Variants in MIA3 observed in about 807,000 individuals in gnomAD.
MIA3 encodes MIA SH3 domain ER export factor 3, also known as transport and Golgi organization protein 1 homolog.
MIA3 carries 90 observed loss-of-function variants against 192.4 expected under a neutral mutation model. That is an observed-to-expected ratio of 0.47 (90% CI 0.39 to 0.56). The LOEUF is 0.56. Among genes scored for constraint, MIA3 ranks in the 20% least tolerant of loss-of-function variants. MIA3 has a pLI of 0.00. For synonymous variants in MIA3, 740 were observed against 792.8 expected, an observed-to-expected ratio of 0.93 and a Z score of 1.12; for missense variants, 2,123 against 2,269.4, an observed-to-expected ratio of 0.94 and a Z score of 1.31.
intron 19 of MIA3, 30 bp from the exon 20 acceptor site, chr1:222,659,423 T>G (rs1427349223): frequency 6.2e-7 from 1 of 1,608,004 alleles, no homozygotes; most frequent in South Asian, 1.1e-5. Context: ...CAGTTGTGCT[T>G]TAAATGATAA....
At chr1:222,646,729 G>C (rs1293453279) in intron 7 of MIA3, among the ~76,000 whole-genome samples, 6 of 152,096 alleles carry the variant, frequency 3.9e-5, no homozygotes, top group Non-Finnish European at 5.9e-5. Context: ...GTGAGACTCT[G>C]TCTCAAAAAA....
intron 19 of MIA3, 31 bp from the exon 20 acceptor site, chr1:222,659,422 T>C: frequency 6.2e-7 from 1 of 1,607,026 alleles, no homozygotes; most frequent in Non-Finnish European, 8.5e-7. Context: ...TCAGTTGTGC[T>C]TTAAATGATA....
intron 7 of MIA3, among the ~76,000 whole-genome samples, chr1:222,646,462 T>C (rs1009171102): frequency 3.3e-5 from 5 of 150,090 alleles, no homozygotes; most frequent in Non-Finnish European, 7.4e-5. Flanking sequence ...GCATTAAATA[T>C]CTTACATGGC....
At position 222,659,521 on chromosome 1, in the gene MIA3, T is replaced by C; in HGVS notation, c.4770+8T>C. ...CGGTCATTTAAAAACCAGGTAATAA[T>C]TCTAGTGCCCTACTATATAGTGCCC... On this transcript the variant is annotated splice_region_variant and intron_variant, in intron 20 of 27. Coordinates refer to ENST00000344922, the MANE Select transcript of MIA3 (RefSeq NM_198551.4). 6.2e-7 allele frequency: 1 copy of C among 1,613,496 alleles called. No individual in the cohort carries two copies. Among genetic ancestry groups the C allele is most frequent in the African/African-American group, 1.3e-5 (1 of 75,018 alleles).
chr1:222,659,574 A>G, intron 20 of MIA3, 48 bp from the exon 21 acceptor site: 1 of 1,611,364 alleles, frequency 6.2e-7, no homozygotes, highest in East Asian at 2.2e-5. Context: ...AATAGAGGCT[A>G]TTATAATGAA....
Position 222,665,637 on chromosome 1 carries a change from T to A in MIA3, c.*18T>A, listed in dbSNP as rs1359180918. The stretch of plus-strand genomic sequence containing the variant: ...GCCCATAAAACTATGACCTCTGAGG[T>A]TTCATTGGAAAGAAAGTGTACTGTG... On this transcript the variant is annotated 3_prime_UTR_variant, in exon 28 of 28. Transcript: ENST00000344922. 6.5e-7 allele frequency: 1 copy of A among 1,542,492 alleles called. No homozygotes were observed.
rs1357306903 is a variant in MIA3 at position 222,665,926 on chromosome 1, AC to A, written c.*308del. The A allele has an allele frequency of 4.4e-6, 1 of 228,314 alleles. No individual in the cohort carries two copies. Among genetic ancestry groups the A allele is most frequent in the Admixed American group, 5.7e-5 (1 of 17,468 alleles). 14.1% of individuals were successfully genotyped at this position (228,314 alleles called of 1,614,324 possible). On this transcript the variant is annotated 3_prime_UTR_variant, in exon 28 of 28. Transcript: ENST00000344922. ...ATTTAGAATGTCATGAAAAATATGA[AC>A]ATTTCCTGTGGAAATGCTTTAAGAA... is the stretch of plus-strand genomic sequence containing the variant.
rs1571900690 is a variant in MIA3, at chr1:222,654,130, T to C, written c.4322-113T>C. On this transcript the variant is annotated intron_variant, in intron 15 of 27. Coordinates refer to ENST00000344922, the MANE Select transcript of MIA3 (RefSeq NM_198551.4). ...AGTCTAATCCTTTTCTGTTTTTGTT[T>C]GTTCTTTAAATGTTTGAACATGACA... The C allele has an allele frequency of 3.9e-6, 4 of 1,017,982 alleles. No homozygotes were observed. The East Asian group carries it at 9.8e-5, about 25-fold the overall frequency. 63.1% of individuals were successfully genotyped at this position (1,017,982 alleles called of 1,614,324 possible).
In MIA3 at chr1:222,633,264, G is replaced by T. The variant is rs757697290; in HGVS notation, c.3477+15G>T. The T allele has an allele frequency of 3.8e-4, 588 of 1,551,040 alleles. No homozygotes were observed. The highest frequency in any genetic ancestry group is 4.8e-4 in the Non-Finnish European group (549 of 1,141,714). ...TAACTAAGTCGGTAAGTTTAACATAGTTTTTTTTTAACTAAAATGTTGATT... is the reference window on the plus strand; with the variant it reads ...TAACTAAGTCGGTAAGTTTAACATATTTTTTTTTTAACTAAAATGTTGATT... On this transcript the variant is annotated intron_variant, in intron 6 of 27. Transcript: ENST00000344922.
At chr1:222,651,119 A>G (rs1663408152) in intron 11 of MIA3, among the ~76,000 whole-genome samples, 1 of 151,972 alleles carries the variant, frequency 6.6e-6, no homozygotes, top group South Asian at 2.1e-4. Context: ...ACCCTAGGTA[A>G]TTGTCATATT....
At chr1:222,655,437 A>G (rs562705851) in intron 18 of MIA3, among the ~76,000 whole-genome samples, 1 of 152,356 alleles carries the variant, frequency 6.6e-6, no homozygotes, top group East Asian at 1.9e-4. Flanking sequence ...CTCTAAAAAT[A>G]GGTTATCTGT....
chr1:222,622,084 G>T (rs1477590609), intron 2 of MIA3, among the ~76,000 whole-genome samples: 1 of 152,106 alleles, frequency 6.6e-6, no homozygotes, highest in Non-Finnish European at 1.5e-5. Flanking sequence ...GATTACAGGC[G>T]TGAGCCACCG....
At chr1:222,654,573 C>T (rs1663608605) in intron 17 of MIA3, 82 bp from the exon 18 acceptor site, 1 of 1,556,608 alleles carries the variant, frequency 6.4e-7, no homozygotes, top group Admixed American at 1.7e-5. Flanking sequence ...TCATACTTCT[C>T]ATTTCTCTCA....
At chr1:222,662,026 A>G (rs565214258) in intron 24 of MIA3, 30 bp from the exon 25 acceptor site, 3 of 1,578,982 alleles carry the variant, frequency 1.9e-6, no homozygotes, top group Non-Finnish European at 2.6e-6. Context: ...CAAAAAATAC[A>G]TATAAGGACT....
chr1:222,621,933 C>T (rs1007912305), intron 2 of MIA3, among the ~76,000 whole-genome samples: 4 of 151,984 alleles, frequency 2.6e-5, no homozygotes, highest in Non-Finnish European at 5.9e-5. Context: ...CTCAGCCTCC[C>T]GAGTAGCTGG....
At chr1:222,664,908 G>A (rs1207892856) in intron 27 of MIA3, 1 of 466,636 alleles carries the variant, frequency 2.1e-6, no homozygotes, top group South Asian at 1.6e-5. Flanking sequence ...CAGGCACAGT[G>A]GCTCACGCCT....
At chr1:222,632,769 C>CT (rs1475789106) in intron 5 of MIA3, among the ~76,000 whole-genome samples, 1 of 152,184 alleles carries the variant, frequency 6.6e-6, no homozygotes, top group Non-Finnish European at 1.5e-5. Flanking sequence ...CTTTACCCCT[C>CT]TCTTTCCAAA....
intron 8 of MIA3, chr1:222,649,782 C>T (rs1357095015): frequency 6.3e-6 from 1 of 159,814 alleles, no homozygotes; most frequent in Non-Finnish European, 1.4e-5. Flanking sequence ...AAAGAAATAC[C>T]TGATACTGGG....
chr1:222,645,457 G>A, intron 6 of MIA3, 97 bp from the exon 7 acceptor site: 1 of 1,109,398 alleles, frequency 9.0e-7, no homozygotes, highest in Non-Finnish European at 1.3e-6. Flanking sequence ...ATCTGATAGA[G>A]TTGGTTTAGA....
Sources: allele counts gnomAD v4.1 joint callset (sites outside exome capture counted in the v4.1 genomes callset), GRCh38; gene constraint gnomAD v4.1.1; transcripts MANE v1.5; gene names NCBI Gene and HGNC (gene_info 2026-07-23, HGNC 2026-07-21).